Variants in FEZ2 observed in about 807,000 individuals in gnomAD.
FEZ2 encodes the protein fasciculation and elongation protein zeta 2, also known as fasciculation and elongation protein zeta-2.
FEZ2 carries 51 observed loss-of-function variants against 40.4 expected under a neutral mutation model. That is an observed-to-expected ratio of 1.26 (90% confidence interval 1.01 to 1.59). The LOEUF (loss-of-function observed/expected upper bound fraction) is 1.59. Ranked by LOEUF, FEZ2 falls within the 40% of genes most tolerant of loss-of-function variation. The probability of loss-of-function intolerance (pLI) is 0.00; values close to 1 mark genes in which losing one functional copy is unlikely to be tolerated. For synonymous variants in FEZ2, 242 were observed against 172.0 expected (o/e 1.41, Z -3.18); for missense variants, 640 against 438.3 (o/e 1.46, Z -4.11).
At chr2:36,593,953 T>C (rs913378955) in intron 1 of FEZ2, among the ~76,000 whole-genome samples, 3 of 152,028 alleles carry the variant, frequency 2.0e-5, no homozygotes, top group African/African-American at 7.2e-5. Context: ...ACCTCCTGAA[T>C]GCTTTACTGC....
chr2:36,566,373 T>C (rs1573006704), intron 5 of FEZ2, among the ~76,000 whole-genome samples: 1 of 150,586 alleles, frequency 6.6e-6, no homozygotes, highest in Non-Finnish European at 1.5e-5. Flanking sequence ...ATATTTTTAA[T>C]GGGGAGGTAG....
At chr2:36,597,321 C>G (rs1275724618) in intron 1 of FEZ2, among the ~76,000 whole-genome samples, 1 of 152,188 alleles carries the variant, frequency 6.6e-6, no homozygotes, top group East Asian at 1.9e-4. Context: ...GTTCCTTACT[C>G]TCCCCAAGAC....
intron 5 of FEZ2, among the ~76,000 whole-genome samples, chr2:36,567,071 A>C (rs112510939): frequency 5.9e-4 from 90 of 152,284 alleles, no homozygotes; most frequent in African/African-American, 2.0e-3. Context: ...GGAAATGACT[A>C]CATTCTGAAG....
Position 36,597,977 on chromosome 2 carries a change from C to T in FEZ2, c.166G>A (p.Glu56Lys). 1 of 1,490,034 alleles carries T rather than the reference C, an allele frequency of 6.7e-7. No homozygotes were observed. Among genetic ancestry groups the T allele is most frequent in the Non-Finnish European group, 8.9e-7 (1 of 1,125,900 alleles). 92.3% of individuals were successfully genotyped at this position (1,490,034 alleles called of 1,614,324 possible). The change falls in exon 1 of 8, where the codon GAG (glutamate) becomes AAG (lysine). Residue 56 changes from glutamate to lysine, a missense_variant. By Grantham distance (56) the Glu-to-Lys change is moderately conservative (BLOSUM62 1). Coordinates refer to ENST00000405912, the MANE Select transcript of FEZ2 (RefSeq NM_005102.3). The part of the protein sequence containing the change: ...GFPAPACSLE[E>K]KLSLCFRPSD... ...GGGCGGAAGCACAGGCTCAGCTTCT[C>T]CTCCAAGCTGCAGGCCGGGGCCGGG...
At chr2:36,554,343 G>C in intron 7 of FEZ2, 1 of 470,680 alleles carries the variant, frequency 2.1e-6, no homozygotes, top group Non-Finnish European at 4.4e-6. Flanking sequence ...CTTCCATGCA[G>C]TTAAATGCTA....
intron 5 of FEZ2, among the ~76,000 whole-genome samples, chr2:36,572,017 G>GAAAAAAAAAAAAA (rs34787798): frequency 4.5e-5 from 5 of 110,106 alleles, no homozygotes; most frequent in African/African-American, 1.6e-4. Context: ...TCCGTCTCAG[G>GAAAAAAAAAAAAA]AAAAAAAAAA....
chr2:36,576,394 C>A (rs554488867), intron 5 of FEZ2, among the ~76,000 whole-genome samples: 1 of 152,050 alleles, frequency 6.6e-6, no homozygotes, highest in Non-Finnish European at 1.5e-5. Flanking sequence ...CTCAGCCTCC[C>A]GAGTAGCTGG....
chr2:36,569,610 G>C (rs1234415678), intron 5 of FEZ2, among the ~76,000 whole-genome samples: 1 of 152,206 alleles, frequency 6.6e-6, no homozygotes, highest in African/African-American at 2.4e-5. Flanking sequence ...TAGTTCTTCT[G>C]TGGTATCTTA....
chr2:36,592,914 A>G (rs1669111286), intron 1 of FEZ2, among the ~76,000 whole-genome samples: 1 of 152,194 alleles, frequency 6.6e-6, no homozygotes, highest in African/African-American at 2.4e-5. Context: ...CAAAGCTCCC[A>G]TATGCACAGT....
chr2:36,564,590 C>A (rs978484354), intron 5 of FEZ2, among the ~76,000 whole-genome samples: 3 of 152,116 alleles, frequency 2.0e-5, no homozygotes, highest in African/African-American at 7.2e-5. Context: ...CTAGCTCCAG[C>A]AAGGCGATTA....
chr2:36,582,724 T>G (rs1190505529), intron 3 of FEZ2, among the ~76,000 whole-genome samples: 1 of 152,234 alleles, frequency 6.6e-6, no homozygotes, highest in African/African-American at 2.4e-5. Flanking sequence ...TGATCTCATC[T>G]TTCCAGCCTA....
Position 36,595,545 on chromosome 2 carries a change from GCTCA to G in FEZ2, c.266+2328_266+2331del, listed in dbSNP as rs1008088121. ...GAGCTGTAAATACAGATGAGGCTTTGCTCACTCACTCAGCCACTCACCTCCTGTA... is the reference window on the plus strand; with the variant it reads ...GAGCTGTAAATACAGATGAGGCTTTGCTCACTCAGCCACTCACCTCCTGTA... On this transcript the variant is annotated intron_variant, in intron 1 of 7. Coordinates refer to ENST00000405912, the MANE Select transcript of FEZ2 (RefSeq NM_005102.3). Among the ~76,000 whole-genome samples the G allele has an allele frequency of 1.7e-3, 260 of 152,272 alleles. 1 individual carries two copies. Among genetic ancestry groups the G allele is most frequent in the African/African-American group, 5.9e-3 (245 of 41,558 alleles).
intron 2 of FEZ2, among the ~76,000 whole-genome samples, chr2:36,584,978 A>G (rs187064980): frequency 3.1e-4 from 47 of 152,304 alleles, no homozygotes; most frequent in Non-Finnish European, 4.7e-4. Context: ...CAGTGACGAC[A>G]GCCCTTCTCA....
chr2:36,562,889 T>C (rs1668129315), intron 5 of FEZ2, among the ~76,000 whole-genome samples: 1 of 152,366 alleles, frequency 6.6e-6, no homozygotes, highest in African/African-American at 2.4e-5. Context: ...ACTTAGTCTA[T>C]ATTACCTGGC....
At chr2:36,553,441 A>C (rs1667873849) in intron 7 of FEZ2, among the ~76,000 whole-genome samples, 1 of 152,158 alleles carries the variant, frequency 6.6e-6, no homozygotes, top group African/African-American at 2.4e-5. Flanking sequence ...AGAAGCCCCT[A>C]ACATTCGCCC....
intron 1 of FEZ2, 64 bp from the exon 2 acceptor site, chr2:36,591,075 A>G: frequency 1.0e-6 from 1 of 983,290 alleles, no homozygotes. Context: ...TTAAACAAAT[A>G]TTCAGTGAAA....
rs182687677 is a variant in FEZ2 at position 36,564,759 on chromosome 2, C to T, written c.904-6246G>A. ...GAGAACAAAACCAAAAGCAGCCAAC[C>T]GGGCCAACTCGGGAGTTCACGCCAC... is the stretch of plus-strand genomic sequence containing the variant. On this transcript the variant is annotated intron_variant, in intron 5 of 7. Coordinates refer to ENST00000405912, the MANE Select transcript of FEZ2 (RefSeq NM_005102.3). Among the ~76,000 whole-genome samples, 467 of 152,182 alleles carry T rather than the reference C, an allele frequency of 3.1e-3. 4 individuals carry two copies. The highest frequency in any genetic ancestry group is 5.4e-3 in the South Asian group (26 of 4,814).
chr2:36,588,323 C>T (rs923186479), intron 2 of FEZ2, among the ~76,000 whole-genome samples: 3 of 152,136 alleles, frequency 2.0e-5, no homozygotes, highest in African/African-American at 7.2e-5. Flanking sequence ...CCACCGCGCC[C>T]AGCCAGGTAA....
At chr2:36,555,405 G>A in intron 7 of FEZ2, 1 of 248,174 alleles carries the variant, frequency 4.0e-6, no homozygotes, top group Non-Finnish European at 7.6e-6. Flanking sequence ...TGATTATGGT[G>A]CCATCTCACT....
Sources: gnomAD v4.1 joint callset for allele counts (sites outside exome capture counted in the v4.1 genomes callset) on GRCh38, gnomAD v4.1.1 for gene constraint, MANE v1.5 for transcripts, NCBI Gene and HGNC (gene_info 2026-07-23, HGNC 2026-07-21) for gene names.